MICU3: variants seen among roughly 807,000 people sequenced by gnomAD.
MICU3 encodes the protein mitochondrial calcium uptake 3.
A neutral mutation model predicts 66.5 loss-of-function variants in MICU3; 62 were observed. The ratio of observed to expected loss-of-function variants is 0.93; its 90% CI spans 0.76 to 1.15. The LOEUF (loss-of-function observed/expected upper bound fraction) is 1.15, where lower values mean the gene tolerates loss of function less well. Ranked by LOEUF, MICU3 falls within the 50% of genes most tolerant of loss-of-function variation. MICU3 has a pLI of 0.00. For synonymous variants in MICU3, 308 were observed against 240.7 expected, an observed-to-expected ratio of 1.28 and a Z score of -2.59; for missense variants, 779 against 664.4, an observed-to-expected ratio of 1.17 and a Z score of -1.90.
At chr8:17,131,622 G>A in the MICU3 span, 7 of 152,520 alleles carry the variant, frequency 4.6e-5, no homozygotes, top group African/African-American at 1.7e-4. Flanking sequence ...GGAAATCCCG[G>A]ATAATCTCCA....
intron 1 of MICU3, chr8:17,049,677 T>G (rs1815724862): frequency 3.9e-6 from 2 of 513,178 alleles, no homozygotes; most frequent in Non-Finnish European, 7.8e-6. Flanking sequence ...TTGTGTAATG[T>G]GAAAAAACAC....
downstream of MICU3, among the ~76,000 whole-genome samples, chr8:17,126,034 G>GA (rs34218751): frequency 0.34 from 37,836 of 111,646 alleles, 5,453 homozygotes; most frequent in East Asian, 0.47. Flanking sequence ...ATCTCAAAAG[G>GA]AAAAAAAAAA....
intron 1 of MICU3, among the ~76,000 whole-genome samples, chr8:17,038,952 CA>C (rs57441494): frequency 0.28 from 34,053 of 119,766 alleles, 5,263 homozygotes; most frequent in African/African-American, 0.46. Flanking sequence ...GACTCTGTCT[CA>C]AAAAAAAAAA....
chr8:17,133,783 A>C, the MICU3 span, among the ~76,000 whole-genome samples: 1 of 152,192 alleles, frequency 6.6e-6, no homozygotes, highest in Non-Finnish European at 1.5e-5. Context: ...AATATAATGC[A>C]AATTATATTT....
chr8:17,045,902 G>A (rs371027813), intron 1 of MICU3, among the ~76,000 whole-genome samples: 30 of 152,136 alleles, frequency 2.0e-4, no homozygotes, highest in Non-Finnish European at 3.1e-4. Flanking sequence ...GGAAAGACCC[G>A]CCCCCATGAT....
chr8:17,061,514 GAC>G (rs1817819522), intron 1 of MICU3, among the ~76,000 whole-genome samples: 1 of 152,134 alleles, frequency 6.6e-6, no homozygotes, highest in Non-Finnish European at 1.5e-5. Flanking sequence ...ACCAGGTAGA[GAC>G]AGAAGCCACA....
intron 9 of MICU3, among the ~76,000 whole-genome samples, chr8:17,099,780 C>G (rs1300258671): frequency 6.6e-6 from 1 of 151,664 alleles, no homozygotes; most frequent in South Asian, 2.1e-4. Flanking sequence ...GCATACAAGT[C>G]AACTGTGTCC....
chr8:17,128,451 C>T, the MICU3 span, among the ~76,000 whole-genome samples: 1 of 152,088 alleles, frequency 6.6e-6, no homozygotes, highest in Admixed American at 6.6e-5. Flanking sequence ...AGAATACAGG[C>T]TATATGTGAA....
intron 11 of MICU3, among the ~76,000 whole-genome samples, chr8:17,107,447 T>G (rs1801832627): frequency 6.6e-6 from 1 of 151,910 alleles, no homozygotes; most frequent in South Asian, 2.1e-4. Context: ...AGGCGATGAG[T>G]AAGGAGAGGT....
intron 1 of MICU3, among the ~76,000 whole-genome samples, chr8:17,054,914 T>C (rs1371037344): frequency 6.6e-6 from 1 of 151,782 alleles, no homozygotes; most frequent in Admixed American, 6.6e-5. Context: ...AATTTTTGTA[T>C]TTTTAGTAGA....
At chr8:17,095,399 A>AAT (rs1800564422) in intron 8 of MICU3, among the ~76,000 whole-genome samples, 1 of 151,932 alleles carries the variant, frequency 6.6e-6, no homozygotes. Context: ...TGTAACTTTA[A>AAT]ATAACAAGTC....
At chr8:17,095,599 C>T (rs184793074) in intron 8 of MICU3, among the ~76,000 whole-genome samples, 1 of 152,038 alleles carries the variant, frequency 6.6e-6, no homozygotes, top group African/African-American at 2.4e-5. Context: ...CCTTCTTAGA[C>T]CCTTTATTCA....
chr8:17,033,526 C>T (rs534172117), intron 1 of MICU3, among the ~76,000 whole-genome samples: 62 of 152,150 alleles, frequency 4.1e-4, no homozygotes, highest in Non-Finnish European at 4.7e-4. Context: ...AGCTCCGCCT[C>T]GCCGGGTTCA....
At chr8:17,081,637 T>C in intron 4 of MICU3, 56 bp from the exon 5 acceptor site, 1 of 494,320 alleles carries the variant, frequency 2.0e-6, no homozygotes, top group South Asian at 3.4e-5. Flanking sequence ...ATTTATAGCA[T>C]TTATTGCTTC....
chr8:17,054,814 C>T (rs1359134141), intron 1 of MICU3, among the ~76,000 whole-genome samples: 2 of 148,842 alleles, frequency 1.3e-5, no homozygotes, highest in Non-Finnish European at 3.0e-5. Flanking sequence ...TGTCAGCTCA[C>T]TGCAACCTCT....
At chr8:17,079,145 T>G (rs3862110) in intron 4 of MICU3, among the ~76,000 whole-genome samples, 27 of 86,258 alleles carry the variant, frequency 3.1e-4, no homozygotes, top group Non-Finnish European at 1.2e-4. Flanking sequence ...GTTATACACA[T>G]GTTTGCATTT....
intron 1 of MICU3, among the ~76,000 whole-genome samples, chr8:17,054,374 CTTAAG>C (rs1563300926): frequency 5.3e-5 from 8 of 152,026 alleles, no homozygotes; most frequent in Non-Finnish European, 1.2e-4. Context: ...GGATTTAAAA[CTTAAG>C]TTTATATACA....
At chr8:17,086,813 C>G (rs2150744157) in intron 6 of MICU3, 151 bp from the exon 7 acceptor site, 3 of 594,314 alleles carry the variant, frequency 5.0e-6, no homozygotes, top group Non-Finnish European at 6.0e-6. Flanking sequence ...GGGGAAAAAA[C>G]TGAAATCAGA....
At chr8:17,099,640 C>A (rs1801086617) in intron 9 of MICU3, among the ~76,000 whole-genome samples, 1 of 151,692 alleles carries the variant, frequency 6.6e-6, no homozygotes, top group South Asian at 2.1e-4. Context: ...TCAATATGAG[C>A]CATGATTAGG....
Sources: allele counts gnomAD v4.1 joint callset (sites outside exome capture counted in the v4.1 genomes callset), GRCh38; gene constraint gnomAD v4.1.1; transcripts MANE v1.5; gene names NCBI Gene and HGNC (gene_info 2026-07-23, HGNC 2026-07-21).